Variants in MAPRE2 observed in about 807,000 individuals in gnomAD.
The protein encoded by MAPRE2 is microtubule-associated protein RP/EB family member 2.
MAPRE2 carries 13 observed loss-of-function variants against 43.2 expected under a neutral mutation model. The ratio of observed to expected loss-of-function variants is 0.30; its 90% CI spans 0.20 to 0.48. The LOEUF is 0.48. Among genes scored for constraint, MAPRE2 ranks in the 20% least tolerant of loss-of-function variants. The pLI is 0.99. For synonymous variants in MAPRE2, 135 were observed against 148.8 expected, an observed-to-expected ratio of 0.91 and a Z score of 0.68; for missense variants, 161 against 400.2, an observed-to-expected ratio of 0.40 and a Z score of 5.10.
intron 1 of MAPRE2, among the ~76,000 whole-genome samples, chr18:35,065,570 T>A (rs2150619102): frequency 6.6e-6 from 1 of 152,146 alleles, no homozygotes; most frequent in Admixed American, 6.5e-5. Flanking sequence ...TTTTATTTTT[T>A]TTTGAGACGG....
At chr18:34,987,244 C>T (rs1038863005) in intron 1 of MAPRE2, among the ~76,000 whole-genome samples, 22 of 152,174 alleles carry the variant, frequency 1.4e-4, no homozygotes, top group African/African-American at 4.1e-4. Flanking sequence ...AATCCATCAA[C>T]GATGTCAACA....
In MAPRE2 at chr18:35,140,605, A is replaced by G; in HGVS notation, c.*236A>G. The G allele has an allele frequency of 2.0e-6, 1 of 489,966 alleles. No individual in the cohort carries two copies. Among genetic ancestry groups the G allele is most frequent in the Non-Finnish European group, 3.6e-6 (1 of 274,080 alleles). 30.4% of individuals were successfully genotyped at this position (489,966 alleles called of 1,614,324 possible). A position where few individuals can be genotyped will look rare whatever the true frequency, so the allele number is the denominator to read the frequency against. ...GAGATCGTAGGGTCACATACATCCA[A>G]CTTCACCACTTGGCTGCTTGAGATT... On this transcript the variant is annotated 3_prime_UTR_variant, in exon 7 of 7. Transcript: ENST00000300249.
intron 1 of MAPRE2, among the ~76,000 whole-genome samples, chr18:35,041,998 A>T (rs1905393907): frequency 6.6e-6 from 1 of 152,198 alleles, no homozygotes; most frequent in African/African-American, 2.4e-5. Context: ...CTTCCCTTTT[A>T]GATTTTAAAG....
At chr18:34,985,558 A>T (rs1277291780) in intron 1 of MAPRE2, among the ~76,000 whole-genome samples, 14 of 48,838 alleles carry the variant, frequency 2.9e-4, no homozygotes, top group Admixed American at 7.7e-4. Flanking sequence ...TATATTATAT[A>T]TTATAAATAT....
At chr18:35,001,660 C>A (rs1397520417) in intron 1 of MAPRE2, among the ~76,000 whole-genome samples, 1 of 151,836 alleles carries the variant, frequency 6.6e-6, no homozygotes, top group Non-Finnish European at 1.5e-5. Context: ...CCAACATAGG[C>A]AACATTGGAT....
At chr18:35,110,319 T>G (rs539951625) in intron 4 of MAPRE2, among the ~76,000 whole-genome samples, 2 of 152,318 alleles carry the variant, frequency 1.3e-5, no homozygotes, top group East Asian at 3.9e-4. Flanking sequence ...AAACATCTAA[T>G]AATTTTTGTA....
At chr18:35,026,864 G>C (rs2150590270) in intron 2 of MAPRE2, among the ~76,000 whole-genome samples, 1 of 152,266 alleles carries the variant, frequency 6.6e-6, no homozygotes. Flanking sequence ...ACACTCACCA[G>C]CTCCTAACCC....
intron 2 of MAPRE2, among the ~76,000 whole-genome samples, chr18:35,033,403 T>C (rs1420193838): frequency 6.7e-6 from 1 of 148,690 alleles, no homozygotes; most frequent in South Asian, 2.1e-4. Flanking sequence ...ACAGCCAATA[T>C]CATACTGAAT....
intron 2 of MAPRE2, among the ~76,000 whole-genome samples, chr18:35,078,946 C>T (rs1907503607): frequency 6.6e-6 from 1 of 151,796 alleles, no homozygotes; most frequent in Non-Finnish European, 1.5e-5. Context: ...AAAGAGCCGC[C>T]TGTTCTCTCT....
chr18:35,138,701 GC>G (rs1314612478), intron 6 of MAPRE2, among the ~76,000 whole-genome samples: 1 of 152,094 alleles, frequency 6.6e-6, no homozygotes, highest in Non-Finnish European at 1.5e-5. Flanking sequence ...TAATGAAAAT[GC>G]ATTGAAAATG....
chr18:35,015,308 G>C (rs1304107292), intron 2 of MAPRE2, among the ~76,000 whole-genome samples: 1 of 152,088 alleles, frequency 6.6e-6, no homozygotes, highest in African/African-American at 2.4e-5. Context: ...TGTAATACCT[G>C]AACACCAGAC....
chr18:35,015,364 T>A (rs1352166888), intron 2 of MAPRE2, among the ~76,000 whole-genome samples: 2 of 152,118 alleles, frequency 1.3e-5, no homozygotes, highest in Non-Finnish European at 2.9e-5. Context: ...CTTTATTTGA[T>A]GCCTACGGTG....
chr18:35,066,099 T>G (rs1906826822), intron 1 of MAPRE2, among the ~76,000 whole-genome samples: 1 of 152,238 alleles, frequency 6.6e-6, no homozygotes, highest in South Asian at 2.1e-4. Flanking sequence ...TAATAGTTAG[T>G]ATGACCTTAC....
At chr18:35,100,081 T>G (rs1186300292) in intron 3 of MAPRE2, among the ~76,000 whole-genome samples, 1 of 152,196 alleles carries the variant, frequency 6.6e-6, no homozygotes, top group African/African-American at 2.4e-5. Context: ...TGTGTGCTTG[T>G]CTGAATCACA....
At chr18:35,113,239 G>T (rs1464946154) in intron 4 of MAPRE2, among the ~76,000 whole-genome samples, 1 of 152,184 alleles carries the variant, frequency 6.6e-6, no homozygotes, top group African/African-American at 2.4e-5. Flanking sequence ...CTATTGAGCA[G>T]AGAGAAGAGC....
chr18:35,140,115 C>T (rs540129895), intron 6 of MAPRE2, among the ~76,000 whole-genome samples, 180 bp from the exon 7 acceptor site: 1 of 152,320 alleles, frequency 6.6e-6, no homozygotes, highest in South Asian at 2.1e-4. Context: ...AGCTAAGGCG[C>T]CCCTGCATAT....
intron 2 of MAPRE2, among the ~76,000 whole-genome samples, chr18:35,031,924 T>C (rs4145318): frequency 0.53 from 81,234 of 151,896 alleles, 21,892 homozygotes; most frequent in East Asian, 0.61. Context: ...TATTTGCATG[T>C]CATGGAAATT....
At chr18:35,038,589 T>C (rs911745279), upstream of MAPRE2, among the ~76,000 whole-genome samples, 1 of 152,190 alleles carries the variant, frequency 6.6e-6, no homozygotes, top group African/African-American at 2.4e-5. Context: ...CTTCATCCAT[T>C]CTTTCTACCC....
At chr18:35,126,257 A>C (rs986233389) in intron 4 of MAPRE2, among the ~76,000 whole-genome samples, 1 of 152,224 alleles carries the variant, frequency 6.6e-6, no homozygotes, top group African/African-American at 2.4e-5. Context: ...AGCTGTCCCA[A>C]GTGTGACTAG....
Sources: allele counts gnomAD v4.1 joint callset (sites outside exome capture counted in the v4.1 genomes callset), GRCh38; gene constraint gnomAD v4.1.1; transcripts MANE v1.5; gene names NCBI Gene and HGNC (gene_info 2026-07-23, HGNC 2026-07-21).